LPP: variants seen among roughly 807,000 people sequenced by gnomAD.
LPP encodes the protein LIM domain containing preferred translocation partner in lipoma.
LPP carries 38 observed loss-of-function variants against 60.4 expected under a neutral mutation model. The ratio of observed to expected loss-of-function variants is 0.63; its 90% CI spans 0.49 to 0.83. LPP has a LOEUF of 0.83. Ranked by LOEUF, LPP falls within the 40% of genes least tolerant of loss-of-function variation. The pLI is 0.00. For synonymous variants in LPP, 328 were observed against 290.8 expected (o/e 1.13, Z -1.30); for missense variants, 902 against 783.6 (o/e 1.15, Z -1.80).
chr3:188,189,306 T>C (rs1272472157), intron 1 of LPP, among the ~76,000 whole-genome samples: 1 of 152,178 alleles, frequency 6.6e-6, no homozygotes, highest in Non-Finnish European at 1.5e-5. Flanking sequence ...CAGGCTGGTC[T>C]CAAACTCCTG....
At chr3:188,223,724 T>C (rs959281249) in intron 1 of LPP, among the ~76,000 whole-genome samples, 4 of 152,168 alleles carry the variant, frequency 2.6e-5, no homozygotes, top group Non-Finnish European at 4.4e-5. Flanking sequence ...CTGTTGTGAT[T>C]TGTATCTCTC....
rs928201815 is a variant in LPP at position 188,382,271 on chromosome 3, T to G, written c.-9-23841T>G. On this transcript the variant is annotated intron_variant, in intron 3 of 11. Transcript: ENST00000617246. ...CACTCAATTGTGTGAATTGTGTGTT[T>G]GTACAGGTCTCCTGCATTTACTAAA... is the stretch of plus-strand genomic sequence containing the variant. Among the ~76,000 whole-genome samples the G allele has an allele frequency of 1.1e-4, 16 of 152,358 alleles. 1 individual carries two copies. Among genetic ancestry groups the G allele is most frequent in the Admixed American group, 9.8e-4 (15 of 15,306 alleles).
At chr3:188,546,096 C>T (rs1826584194) in intron 6 of LPP, among the ~76,000 whole-genome samples, 1 of 152,122 alleles carries the variant, frequency 6.6e-6, no homozygotes. Context: ...ACTTAATTCT[C>T]ACAACAACCC....
At chr3:188,184,896 G>A (rs1272060479) in intron 1 of LPP, among the ~76,000 whole-genome samples, 1 of 151,964 alleles carries the variant, frequency 6.6e-6, no homozygotes. Context: ...TGCAGTGTCA[G>A]CACCTAGGTT....
intron 9 of LPP, among the ~76,000 whole-genome samples, chr3:188,818,712 G>A (rs1027857421): frequency 1.3e-5 from 2 of 152,108 alleles, no homozygotes; most frequent in East Asian, 3.9e-4. Flanking sequence ...GTGTAGCCTT[G>A]GGCAAATTGC....
rs1770951945 is a variant in LPP at position 188,888,739 on chromosome 3, T to C, written c.*14260T>C. Reference sequence around the variant, plus strand: ...CCATCAGAAAGAGTAGGTGCTGAGATAAGGAAACTTTGCCAAATGAAAGAA... The same window carrying C: ...CCATCAGAAAGAGTAGGTGCTGAGACAAGGAAACTTTGCCAAATGAAAGAA... On this transcript the variant is annotated 3_prime_UTR_variant, in exon 12 of 12. Coordinates refer to ENST00000617246, the MANE Select transcript of LPP (RefSeq NM_001375462.1). The C allele has an allele frequency of 4.5e-6, 1 of 221,128 alleles. No homozygotes were observed. The highest frequency in any genetic ancestry group is 9.1e-6 in the Non-Finnish European group (1 of 110,446). The allele number at this position is 221,128 out of a possible 1,614,324, so 13.7% of individuals were successfully genotyped here. A position where few individuals can be genotyped will look rare whatever the true frequency, so the allele number is the denominator to read the frequency against.
chr3:188,643,716 C>A (rs948001217), intron 7 of LPP, among the ~76,000 whole-genome samples: 1 of 152,120 alleles, frequency 6.6e-6, no homozygotes, highest in African/African-American at 2.4e-5. Context: ...ATGAGACACC[C>A]CTGAGCCATC....
At chr3:188,162,770 G>T (rs868475975) in intron 1 of LPP, among the ~76,000 whole-genome samples, 2 of 152,156 alleles carry the variant, frequency 1.3e-5, no homozygotes, top group Middle Eastern at 3.2e-3. Context: ...GTCTGTACAT[G>T]TGTCCGATTC....
intron 6 of LPP, among the ~76,000 whole-genome samples, chr3:188,574,673 T>A (rs1834205309): frequency 6.6e-6 from 1 of 152,088 alleles, no homozygotes. Context: ...AGCACAGGTG[T>A]AAGTAATTCC....
chr3:188,226,985 G>A (rs1266026796), intron 2 of LPP, among the ~76,000 whole-genome samples: 4 of 151,960 alleles, frequency 2.6e-5, no homozygotes, highest in African/African-American at 9.7e-5. Flanking sequence ...CCTAGCATAC[G>A]TTTAAGTATC....
At chr3:188,372,549 T>C (rs1340389997) in intron 3 of LPP, among the ~76,000 whole-genome samples, 2 of 152,086 alleles carry the variant, frequency 1.3e-5, no homozygotes, top group African/African-American at 2.4e-5. Flanking sequence ...TTTCTTTTTT[T>C]CTAAACAGAC....
At chr3:188,698,113 C>A (rs571762189) in intron 7 of LPP, among the ~76,000 whole-genome samples, 2 of 152,184 alleles carry the variant, frequency 1.3e-5, no homozygotes, top group East Asian at 3.9e-4. Flanking sequence ...GGTGATAAAA[C>A]CTTTTTTTCC....
chr3:188,304,520 T>A (rs1750900782), intron 2 of LPP, among the ~76,000 whole-genome samples: 1 of 152,202 alleles, frequency 6.6e-6, no homozygotes, highest in Admixed American at 6.5e-5. Flanking sequence ...CCTTTAAATC[T>A]CACAGCTTTT....
chr3:188,219,106 C>T (rs1714823466), intron 1 of LPP, among the ~76,000 whole-genome samples: 1 of 152,076 alleles, frequency 6.6e-6, no homozygotes, highest in African/African-American at 2.4e-5. Flanking sequence ...ACATGTTAGC[C>T]TGCGTGTAGG....
chr3:188,358,765 C>A (rs1560292486), intron 3 of LPP, among the ~76,000 whole-genome samples: 5 of 152,128 alleles, frequency 3.3e-5, no homozygotes. Context: ...GCAAGCGTTC[C>A]AAAAGCATAT....
chr3:188,295,599 G>A (rs1007095860), intron 2 of LPP, among the ~76,000 whole-genome samples: 5 of 152,140 alleles, frequency 3.3e-5, no homozygotes, highest in Non-Finnish European at 5.9e-5. Flanking sequence ...GTGCAGTGGT[G>A]TGATCACAGC....
At chr3:188,186,039 C>G (rs902891385) in intron 1 of LPP, among the ~76,000 whole-genome samples, 8 of 152,152 alleles carry the variant, frequency 5.3e-5, no homozygotes, top group Non-Finnish European at 1.0e-4. Context: ...TTCCTATTTC[C>G]TCATTCAGGG....
chr3:188,197,050 A>C (rs1251394900), intron 1 of LPP, among the ~76,000 whole-genome samples: 1 of 152,230 alleles, frequency 6.6e-6, no homozygotes, highest in Non-Finnish European at 1.5e-5. Context: ...CTTCAAATCA[A>C]AAATAGGTGT....
chr3:188,889,675 C>G lies in LPP; in HGVS notation c.*15196C>G, dbSNP rs1165167709. The G allele has an allele frequency of 1.3e-5, 3 of 223,580 alleles. No homozygotes were observed. In the East Asian group the frequency reaches 1.9e-4, roughly 14 times the overall value. 13.8% of individuals were successfully genotyped at this position (223,580 alleles called of 1,614,324 possible). A position where few individuals can be genotyped will look rare whatever the true frequency, so the allele number is the denominator to read the frequency against. Reference sequence around the variant, plus strand: ...TGCCATTGCAGTCAGCCACCATTCTCTTTTCCATATAAGGAGCCCCATTAC... The same window carrying G: ...TGCCATTGCAGTCAGCCACCATTCTGTTTTCCATATAAGGAGCCCCATTAC... On this transcript the variant is annotated 3_prime_UTR_variant, in exon 12 of 12. Coordinates refer to ENST00000617246, the MANE Select transcript of LPP (RefSeq NM_001375462.1).
Sources: gnomAD v4.1 joint callset for allele counts (sites outside exome capture counted in the v4.1 genomes callset) on GRCh38, gnomAD v4.1.1 for gene constraint, MANE v1.5 for transcripts, NCBI Gene and HGNC (gene_info 2026-07-23, HGNC 2026-07-21) for gene names.